SLC4A5: variants seen among roughly 807,000 people sequenced by gnomAD.
SLC4A5 encodes electrogenic sodium bicarbonate cotransporter 4.
Under a neutral mutation model 120.4 loss-of-function variants are expected in SLC4A5, and 96 were observed. That is an observed-to-expected ratio of 0.80 (90% CI 0.68 to 0.94). The LOEUF is 0.94. SLC4A5 is among the 40% of genes least tolerant of loss of function. The probability of loss-of-function intolerance (pLI) is 0.00; values close to 1 mark genes in which losing one functional copy is unlikely to be tolerated. For synonymous variants in SLC4A5, 550 were observed against 571.1 expected, an observed-to-expected ratio of 0.96 and a Z score of 0.53; for missense variants, 1,259 against 1,459.5, an observed-to-expected ratio of 0.86 and a Z score of 2.24.
At chr2:74,259,682 A>T in intron 11 of SLC4A5, 39 bp from the exon 12 acceptor site, 1 of 1,604,240 alleles carries the variant, frequency 6.2e-7, no homozygotes, top group Non-Finnish European at 8.5e-7. Context: ...AGGGGAAGCC[A>T]GGCTCTTGCA....
chr2:74,317,134 C>T (rs1397057508), intron 5 of SLC4A5, among the ~76,000 whole-genome samples: 2 of 152,208 alleles, frequency 1.3e-5, no homozygotes, highest in Admixed American at 1.3e-4. Context: ...CCTCCTCCTT[C>T]GAAGTGCCTG....
chr2:74,328,921 G>C (rs1431137541), intron 4 of SLC4A5, among the ~76,000 whole-genome samples: 2 of 152,158 alleles, frequency 1.3e-5, no homozygotes, highest in African/African-American at 4.8e-5. Flanking sequence ...TTTGTAAAAT[G>C]CTCCAAGGTG....
Position 74,255,938 on chromosome 2 carries a change from CA to C in SLC4A5, c.868-7del, listed in dbSNP as rs749530104. Reference sequence around the variant, plus strand: ...TTCATGAATTTGTTTTTCCGCTGGACAGGGAGGGGAAACGAGATAGCCAAGG... The same window carrying C: ...TTCATGAATTTGTTTTTCCGCTGGACGGGAGGGGAAACGAGATAGCCAAGG... On this transcript the variant is annotated splice_polypyrimidine_tract_variant and splice_region_variant and intron_variant, in intron 12 of 30. Coordinates refer to ENST00000394019, the Ensembl canonical transcript of SLC4A5. The surrounding 1 kb of genome is among the most constrained non-coding windows in gnomAD (Gnocchi z 4.0). The C allele has an allele frequency of 6.2e-7, 1 of 1,612,968 alleles. No individual in the cohort carries two copies. The highest frequency in any genetic ancestry group is 1.7e-5 in the Admixed American group (1 of 60,004).
intron 24 of SLC4A5, 25 bp from the exon 25 acceptor site, chr2:74,231,333 G>A (rs772273205): frequency 1.2e-6 from 2 of 1,601,896 alleles, no homozygotes; most frequent in South Asian, 2.3e-5. Flanking sequence ...CACATGGTCA[G>A]GGTGTACCAG....
chr2:74,241,094 T>C (rs1158413613), intron 20 of SLC4A5, among the ~76,000 whole-genome samples: 1 of 151,902 alleles, frequency 6.6e-6, no homozygotes, highest in Non-Finnish European at 1.5e-5. Flanking sequence ...TAATAAACTC[T>C]CTGGGGCTGG....
intron 2 of SLC4A5, among the ~76,000 whole-genome samples, chr2:74,340,601 G>A (rs971742818): frequency 1.3e-5 from 2 of 152,104 alleles, no homozygotes. Context: ...TACAGGGGTG[G>A]AAAAAGCTGG....
intron 8 of SLC4A5, among the ~76,000 whole-genome samples, chr2:74,277,755 T>C (rs769185297): frequency 6.6e-6 from 1 of 152,052 alleles, no homozygotes; most frequent in Non-Finnish European, 1.5e-5. Context: ...TAAGAGAAAC[T>C]GAATCTAGAC....
intron 8 of SLC4A5, among the ~76,000 whole-genome samples, chr2:74,279,405 C>T (rs1430087216): frequency 6.6e-6 from 1 of 152,090 alleles, no homozygotes; most frequent in Admixed American, 6.5e-5. Flanking sequence ...AGGACAAAGC[C>T]CTCCTTCCAT....
intron 3 of SLC4A5, among the ~76,000 whole-genome samples, chr2:74,336,749 C>G (rs1402123905): frequency 1.3e-5 from 2 of 152,262 alleles, no homozygotes; most frequent in Non-Finnish European, 2.9e-5. Context: ...ATAGTTAAAA[C>G]AGGAAGCACA....
chr2:74,325,855 G>A (rs1000429302), intron 5 of SLC4A5, among the ~76,000 whole-genome samples: 1 of 149,740 alleles, frequency 6.7e-6, no homozygotes, highest in Non-Finnish European at 1.5e-5. Flanking sequence ...AGGAAGGGAA[G>A]GGAGGGGAGG....
At chr2:74,242,922 G>A (rs1670492907) in intron 19 of SLC4A5, among the ~76,000 whole-genome samples, 2 of 152,196 alleles carry the variant, frequency 1.3e-5, no homozygotes, top group South Asian at 4.1e-4. Context: ...CCAAAGTGCT[G>A]GGATTACAGG....
chr2:74,342,582 C>G (rs1673652084), intron 1 of SLC4A5, 48 bp from the exon 2 acceptor site: 1 of 152,136 alleles, frequency 6.6e-6, no homozygotes, highest in Non-Finnish European at 1.5e-5. Context: ...CAGAAGCCCA[C>G]AAAGCTAAGG....
exon 9 of SLC4A5, chr2:74,265,184 C>T: frequency 6.2e-7 from 1 of 1,614,236 alleles, no homozygotes; most frequent in Non-Finnish European, 8.5e-7. Context: ...CTCGAAGAGG[C>T]TGTGCAGGGA....
chr2:74,250,386 A>T (rs767003860), exon 17 of SLC4A5: 5 of 1,614,062 alleles, frequency 3.1e-6, no homozygotes, highest in Admixed American at 1.7e-5. Context: ...ACCAAAGGTG[A>T]TCGCGTTGGT....
At chr2:74,285,737 T>C in intron 8 of SLC4A5, 36 bp downstream of exon 8, 1 of 1,602,114 alleles carries the variant, frequency 6.2e-7, no homozygotes, top group South Asian at 1.1e-5. Flanking sequence ...TGTGTGAGAC[T>C]GAAGTGCCCA....
intron 18 of SLC4A5, 79 bp downstream of exon 18, chr2:74,248,274 G>T: frequency 6.5e-7 from 1 of 1,550,342 alleles, no homozygotes. Flanking sequence ...CTACCCTTGG[G>T]ACCTATTCCC....
intron 29 of SLC4A5, among the ~76,000 whole-genome samples, chr2:74,222,175 G>A (rs6726450): frequency 0.16 from 24,283 of 152,086 alleles, 2,645 homozygotes; most frequent in East Asian, 0.39. Context: ...TTGGTTCTGA[G>A]CCCTCAACCA....
chr2:74,267,979 C>A (rs1041409575), intron 8 of SLC4A5, among the ~76,000 whole-genome samples: 3 of 151,822 alleles, frequency 2.0e-5, no homozygotes, highest in African/African-American at 4.8e-5. Context: ...AGTGAGAGTC[C>A]GTCTACATTT....
chr2:74,334,388 C>T (rs112430866), intron 3 of SLC4A5, among the ~76,000 whole-genome samples: 2 of 152,208 alleles, frequency 1.3e-5, no homozygotes, highest in African/African-American at 4.8e-5. Flanking sequence ...CTCATTCCCA[C>T]CTCAGGACCT....
Sources: gnomAD v4.1 joint callset for allele counts (sites outside exome capture counted in the v4.1 genomes callset) on GRCh38, gnomAD v4.1.1 for gene constraint, Gnocchi (gnomAD v3.1) non-coding constraint, MANE v1.5 for transcripts, NCBI Gene and HGNC (gene_info 2026-07-23, HGNC 2026-07-21) for gene names.